The following CARMIL1 variants were observed in gnomAD, a reference collection of about 807,000 sequenced individuals.
The protein encoded by CARMIL1 is capping protein regulator and myosin 1 linker 1, also known as F-actin-uncapping protein LRRC16A.
In CARMIL1, 90 loss-of-function variants were observed where a neutral mutation model predicts 177.1. The observed-to-expected ratio is 0.51, with a 90% confidence interval of 0.43 to 0.61. The LOEUF is 0.61. Among genes scored for constraint, CARMIL1 ranks in the 20% least tolerant of loss-of-function variants. The pLI is 0.00. For missense variants in CARMIL1, 1,380 were observed against 1,667.0 expected, an observed-to-expected ratio of 0.83 and a Z score of 3.00; for synonymous variants, 577 against 606.2, an observed-to-expected ratio of 0.95 and a Z score of 0.71.
In CARMIL1 at chr6:25,371,284, C is replaced by G. The variant is rs560822685; in HGVS notation, c.139-48830C>G. On this transcript the variant is annotated intron_variant, in intron 2 of 36. Coordinates refer to ENST00000329474, the MANE Select transcript of CARMIL1 (RefSeq NM_017640.6). ...TAGTAGTTGCCCAGTAGTGAGATTG[C>G]TGGATGGAATGGTATCTTTACTTTC... 6.6e-5 allele frequency among the ~76,000 whole-genome samples: 10 copies of G among 152,302 alleles called. No individual in the cohort carries two copies. In the South Asian group the frequency reaches 1.9e-3, roughly 28 times the overall value.
chr6:25,369,517 T>A (rs1160980630), intron 2 of CARMIL1, among the ~76,000 whole-genome samples: 2 of 152,106 alleles, frequency 1.3e-5, no homozygotes, highest in African/African-American at 4.8e-5. Flanking sequence ...ATCTAGCTTG[T>A]GCCCCTCGCC....
chr6:25,401,821 A>G (rs554187621), intron 2 of CARMIL1, among the ~76,000 whole-genome samples: 2 of 152,082 alleles, frequency 1.3e-5, no homozygotes, highest in Admixed American at 6.5e-5. Context: ...TCACCTTCCA[A>G]TTGTGTAGCC....
chr6:25,428,334 A>T (rs1796446547), intron 4 of CARMIL1, among the ~76,000 whole-genome samples: 1 of 152,080 alleles, frequency 6.6e-6, no homozygotes, highest in African/African-American at 2.4e-5. Flanking sequence ...GAAATTCTGT[A>T]GTCCGTTTAA....
chr6:25,298,755 CTTTT>C (rs35932044), intron 2 of CARMIL1, among the ~76,000 whole-genome samples: 2 of 133,402 alleles, frequency 1.5e-5, no homozygotes, highest in Non-Finnish European at 1.6e-5. Context: ...GTTATGATTG[CTTTT>C]TTTTTTTTTT....
At chr6:25,429,138 G>A (rs1451257559) in intron 4 of CARMIL1, among the ~76,000 whole-genome samples, 5 of 152,210 alleles carry the variant, frequency 3.3e-5, no homozygotes, top group Non-Finnish European at 5.9e-5. Context: ...TATTTCTCAG[G>A]GTTGATAGCA....
intron 2 of CARMIL1, among the ~76,000 whole-genome samples, chr6:25,340,417 T>C (rs1786784682): frequency 6.6e-6 from 1 of 152,226 alleles, no homozygotes; most frequent in Non-Finnish European, 1.5e-5. Flanking sequence ...CCTGAGCTTG[T>C]AGGAGTTTAT....
intron 27 of CARMIL1, 116 bp downstream of exon 27, chr6:25,551,201 A>T (rs1810071407): frequency 5.6e-6 from 4 of 720,456 alleles, no homozygotes; most frequent in Non-Finnish European, 9.2e-6. Flanking sequence ...AGGCATGTTT[A>T]ATAGGCAGAA....
intron 2 of CARMIL1, among the ~76,000 whole-genome samples, chr6:25,379,874 G>T (rs1358318942): frequency 7.2e-5 from 11 of 152,118 alleles, no homozygotes; most frequent in Admixed American, 7.2e-4. Context: ...TACTCAATAT[G>T]TGAAGTGATC....
At chr6:25,353,015 G>C (rs564286002) in intron 2 of CARMIL1, among the ~76,000 whole-genome samples, 1 of 152,020 alleles carries the variant, frequency 6.6e-6, no homozygotes. Context: ...TTCTCCTGCC[G>C]CCCTGCCTGG....
intron 2 of CARMIL1, among the ~76,000 whole-genome samples, chr6:25,336,774 G>A: frequency 6.6e-6 from 1 of 152,250 alleles, no homozygotes; most frequent in African/African-American, 2.4e-5. Context: ...AAAAAGTCAG[G>A]AAACACAGAA....
At chr6:25,537,233 A>AT (rs376055310) in intron 24 of CARMIL1, among the ~76,000 whole-genome samples, 71 of 152,336 alleles carry the variant, frequency 4.7e-4, no homozygotes, top group Non-Finnish European at 8.5e-4. Flanking sequence ...TATTGACTTC[A>AT]TTACTACCTA....
At chr6:25,606,383 G>A (rs1230676515) in intron 35 of CARMIL1, 110 bp downstream of exon 35, 4 of 911,068 alleles carry the variant, frequency 4.4e-6, no homozygotes, top group Non-Finnish European at 6.6e-6. Context: ...GAGGTACAGC[G>A]GCTTCTGCAG....
At chr6:25,431,064 T>G (rs112888462) in intron 4 of CARMIL1, among the ~76,000 whole-genome samples, 2,277 of 152,326 alleles carry the variant, frequency 0.015, 31 homozygotes, top group African/African-American at 0.041. Context: ...GTGCACAATG[T>G]GCAGGTTAGT....
In CARMIL1 at chr6:25,619,608, TG is replaced by T. The variant is rs1448004398; in HGVS notation, c.*26del. 1 of 1,607,518 alleles carries T rather than the reference TG, an allele frequency of 6.2e-7. No homozygotes were observed. Among genetic ancestry groups the T allele is most frequent in the Non-Finnish European group, 8.5e-7 (1 of 1,176,912 alleles). ...AAGGTCACCCACGCAGAAGTCTTCC[TG>T]TGCAGGGTGCTTTGGTAGCCATCAG... On this transcript the variant is annotated 3_prime_UTR_variant, in exon 37 of 37. Coordinates refer to ENST00000329474, the MANE Select transcript of CARMIL1 (RefSeq NM_017640.6).
chr6:25,296,893 TTATC>T (rs6149486), intron 2 of CARMIL1, among the ~76,000 whole-genome samples: 124 of 85,938 alleles, frequency 1.4e-3, no homozygotes, highest in Non-Finnish European at 1.0e-3. Context: ...ATATCTATCT[TTATC>T]TATCTATCTA....
rs1320151844 is a variant in CARMIL1, at chr6:25,619,777, C to A, written c.*194C>A. 6.1e-6 allele frequency: 2 copies of A among 329,274 alleles called. No individual in the cohort carries two copies. Among genetic ancestry groups the A allele is most frequent in the East Asian group, 5.2e-5 (1 of 19,320 alleles). The allele number at this position is 329,274 out of a possible 1,614,324, so 20.4% of individuals were successfully genotyped here. ...TTTTTTTTTTGTATAGAAACAGATC[C>A]ATTTCTTGGTAATCAAAGCACATTT... On this transcript the variant is annotated 3_prime_UTR_variant, in exon 37 of 37. Transcript: ENST00000329474.
chr6:25,530,096 G>A (rs999606849), intron 24 of CARMIL1, among the ~76,000 whole-genome samples: 5 of 151,754 alleles, frequency 3.3e-5, no homozygotes, highest in Non-Finnish European at 2.9e-5. Context: ...ATGAGTCTCG[G>A]GGTTGATATA....
At chr6:25,409,512 A>G (rs1794716564) in intron 2 of CARMIL1, among the ~76,000 whole-genome samples, 1 of 151,762 alleles carries the variant, frequency 6.6e-6, no homozygotes, top group Non-Finnish European at 1.5e-5. Flanking sequence ...TCAGTCCACA[A>G]AATGGCAAAG....
chr6:25,335,777 A>G (rs1212758555), intron 2 of CARMIL1, among the ~76,000 whole-genome samples: 2 of 152,238 alleles, frequency 1.3e-5, no homozygotes, highest in African/African-American at 2.4e-5. Context: ...TCCATGCTCA[A>G]TGCGCTTTCC....
Sources: allele counts gnomAD v4.1 joint callset (sites outside exome capture counted in the v4.1 genomes callset), GRCh38; gene constraint gnomAD v4.1.1; transcripts MANE v1.5; gene names NCBI Gene and HGNC (gene_info 2026-07-23, HGNC 2026-07-21).